Variants in TBC1D14 observed in about 807,000 individuals in gnomAD.
The protein encoded by TBC1D14 is TBC1 domain family, member 14.
In TBC1D14, 26 loss-of-function variants were observed where a neutral mutation model predicts 79.0. That is an observed-to-expected ratio of 0.33 (90% CI 0.24 to 0.46). TBC1D14 has a LOEUF of 0.46. TBC1D14 is among the 20% of genes least tolerant of loss of function. The probability of loss-of-function intolerance (pLI) is 1.00; values close to 1 mark genes in which losing one functional copy is unlikely to be tolerated. For missense variants in TBC1D14, 769 were observed against 887.6 expected, an observed-to-expected ratio of 0.87 and a Z score of 1.70; for synonymous variants, 394 against 349.9, an observed-to-expected ratio of 1.13 and a Z score of -1.40.
At chr4:6,962,462 C>T (rs922685627) in intron 2 of TBC1D14, among the ~76,000 whole-genome samples, 1 of 152,160 alleles carries the variant, frequency 6.6e-6, no homozygotes, top group Non-Finnish European at 1.5e-5. Context: ...TGTGTCTGCA[C>T]AGCAGCTGAG....
chr4:6,937,974 A>T (rs1180983354), intron 2 of TBC1D14, among the ~76,000 whole-genome samples: 1 of 152,066 alleles, frequency 6.6e-6, no homozygotes, highest in Non-Finnish European at 1.5e-5. Flanking sequence ...ATTGAGCCGC[A>T]TCTGGTGAGC....
chr4:7,025,385 A>G (rs1577193315), intron 13 of TBC1D14, 123 bp downstream of exon 13: 2 of 1,457,442 alleles, frequency 1.4e-6, no homozygotes, highest in East Asian at 4.8e-5. Context: ...CTGGGCTGGA[A>G]CTGAGGGGGG....
In TBC1D14 at chr4:7,006,666, T is replaced by C. The variant is rs779244097; in HGVS notation, c.1386T>C (p.Ser462=). The C allele has an allele frequency of 6.2e-7, 1 of 1,614,082 alleles. No individual in the cohort carries two copies. The highest frequency in any genetic ancestry group is 1.1e-5 in the South Asian group (1 of 91,038). The change falls in exon 9 of 14, where the codon AGT becomes AGC. Residue 462 remains serine, a synonymous_variant. Transcript: ENST00000409757. The stretch of plus-strand genomic sequence containing the variant: ...TTTCAGCAGCAGACAGAGAAGCCAG[T>C]CTGGAGCTTATTAAACTGGACATTT... The part of the protein sequence containing the change: ...AGFSAADREA[S]LELIKLDISR...
intron 2 of TBC1D14, among the ~76,000 whole-genome samples, chr4:6,944,506 C>T (rs1285078389): frequency 2.0e-5 from 3 of 152,202 alleles, no homozygotes; most frequent in Non-Finnish European, 4.4e-5. Context: ...TCAGCTCTGG[C>T]CTGTCCTCCC....
chr4:6,983,192 G>A (rs935871227), intron 3 of TBC1D14, among the ~76,000 whole-genome samples: 1 of 152,060 alleles, frequency 6.6e-6, no homozygotes, highest in African/African-American at 2.4e-5. Flanking sequence ...GGCTGGTCTT[G>A]AACTCCTGAC....
rs1722826246 is a variant in TBC1D14, at chr4:6,909,898, CTGGGCTGCGGGCCCACGGGTCCCGGGGA to C, written c.-67_-40del. The stretch of plus-strand genomic sequence containing the variant: ...GCGCGAGTTGCCGGTCCCGCGGGGC[CTGGGCTGCGGGCCCACGGGTCCCGGGGA>C]TGGCGTCGGAGCCGCGCTAACTCCG... On this transcript the variant is annotated 5_prime_UTR_variant, in exon 1 of 14. The change abolishes an upstream ATG in the 5' untranslated region. Transcript: ENST00000409757. 1 of 148,072 alleles carries C rather than the reference CTGGGCTGCGGGCCCACGGGTCCCGGGGA, an allele frequency of 6.8e-6. No individual in the cohort carries two copies. Among genetic ancestry groups the C allele is most frequent in the African/African-American group, 2.4e-5 (1 of 41,042 alleles). 9.2% of individuals were successfully genotyped at this position (148,072 alleles called of 1,614,324 possible). A position where few individuals can be genotyped will look rare whatever the true frequency, so the allele number is the denominator to read the frequency against.
Position 6,923,783 on chromosome 4 carries a change from A to G in TBC1D14, c.394A>G (p.Arg132Gly), listed in dbSNP as rs751829808. 6.2e-7 allele frequency: 1 copy of G among 1,614,122 alleles called. No homozygotes were observed. The highest frequency in any genetic ancestry group is 1.1e-5 in the South Asian group (1 of 91,086). Residue 132 changes from arginine (R) to glycine (G), a missense_variant, in exon 2 of 14, where the codon AGG becomes GGG. Physicochemically the swap from Arg to Gly is moderately radical, Grantham distance 125. Around this residue, in one of 2 missense-constraint regions of TBC1D14, gnomAD observed 402 missense variants for 393.2 expected, o/e 1.02. Transcript: ENST00000409757. ...CGTGCGCAAATCCTCCACGTTTCCC[A>G]GGACAGGCTATGACTCGGTAAAGCT... is the stretch of plus-strand genomic sequence containing the variant. ...QSVRKSSTFP[R>G]TGYDSVKLYS...
intron 13 of TBC1D14, among the ~76,000 whole-genome samples, chr4:7,029,350 T>G (rs1722804553): frequency 6.6e-6 from 1 of 152,242 alleles, no homozygotes; most frequent in Non-Finnish European, 1.5e-5. Context: ...GTTTCACCCT[T>G]GGACTTTGAG....
chr4:6,954,611 G>GT (rs869119891), intron 2 of TBC1D14, among the ~76,000 whole-genome samples: 53 of 103,312 alleles, frequency 5.1e-4, no homozygotes, highest in African/African-American at 1.8e-3. Flanking sequence ...TTTAAGGACT[G>GT]TTTTTTTGAG....
At chr4:7,000,643 G>A (rs961566428) in intron 6 of TBC1D14, among the ~76,000 whole-genome samples, 4 of 152,194 alleles carry the variant, frequency 2.6e-5, no homozygotes, top group Non-Finnish European at 5.9e-5. Flanking sequence ...GTTCTTCTCC[G>A]CAGTTAGAAC....
At chr4:6,966,578 G>T (rs893127920) in intron 2 of TBC1D14, among the ~76,000 whole-genome samples, 1 of 152,162 alleles carries the variant, frequency 6.6e-6, no homozygotes, top group Non-Finnish European at 1.5e-5. Context: ...ATTTTAATTT[G>T]TATAACAACC....
intron 2 of TBC1D14, among the ~76,000 whole-genome samples, chr4:6,945,686 T>C (rs958319789): frequency 1.5e-5 from 2 of 129,584 alleles, no homozygotes; most frequent in African/African-American, 5.9e-5. Flanking sequence ...GAGGCGGAGG[T>C]TGCGGTGAGC....
chr4:7,024,948 T>C (rs1435531613), intron 12 of TBC1D14, 56 bp from the exon 13 acceptor site: 1 of 1,596,812 alleles, frequency 6.3e-7, no homozygotes, highest in African/African-American at 1.3e-5. Flanking sequence ...AATTCACTGT[T>C]CTTTCTTTGT....
Position 6,934,774 on chromosome 4 carries a change from G to A in TBC1D14, c.722+10663G>A, listed in dbSNP as rs1712147696. Reference sequence around the variant, plus strand: ...TGGTGCAGGCAAAAGCGAAACTGGAGTAAATATTTAAGAGAGAATGGGGCC... The same window carrying A: ...TGGTGCAGGCAAAAGCGAAACTGGAATAAATATTTAAGAGAGAATGGGGCC... On this transcript the variant is annotated intron_variant, in intron 2 of 13. Coordinates refer to ENST00000409757, the MANE Select transcript of TBC1D14 (RefSeq NM_020773.3). Among the ~76,000 whole-genome samples, 4 of 152,310 alleles carry A rather than the reference G, an allele frequency of 2.6e-5. No individual in the cohort carries two copies. The South Asian group carries it at 8.3e-4, about 32-fold the overall frequency.
chr4:7,006,807 G>A, intron 9 of TBC1D14, 81 bp downstream of exon 9: 1 of 1,383,138 alleles, frequency 7.2e-7, no homozygotes. Context: ...TTGTTGTCAA[G>A]TTTGAAAGGT....
At chr4:6,934,280 G>T (rs1238055216) in intron 2 of TBC1D14, among the ~76,000 whole-genome samples, 1 of 152,040 alleles carries the variant, frequency 6.6e-6, no homozygotes, top group Admixed American at 6.6e-5. Flanking sequence ...GAGAAGGCAG[G>T]GCTGGTGAGC....
chr4:6,954,681 G>A (rs1425188080), intron 2 of TBC1D14, among the ~76,000 whole-genome samples: 2 of 152,170 alleles, frequency 1.3e-5, no homozygotes, highest in Non-Finnish European at 1.5e-5. Flanking sequence ...GCTCACTGCA[G>A]CCTCCGCCTC....
chr4:6,977,653 C>A (rs534474921), intron 3 of TBC1D14, among the ~76,000 whole-genome samples: 1 of 146,824 alleles, frequency 6.8e-6, no homozygotes, highest in African/African-American at 2.5e-5. Flanking sequence ...TCTGCCCGGC[C>A]GCCATCCCAT....
At chr4:6,962,318 G>C (rs1715297250) in intron 2 of TBC1D14, among the ~76,000 whole-genome samples, 2 of 152,134 alleles carry the variant, frequency 1.3e-5, no homozygotes, top group African/African-American at 4.8e-5. Flanking sequence ...ACCCCGCTGC[G>C]ACGGTGCGGG....
Sources: allele counts gnomAD v4.1 joint callset (sites outside exome capture counted in the v4.1 genomes callset), GRCh38; gene constraint gnomAD v4.1.1; regional missense constraint gnomAD v4.1.1; transcripts MANE v1.5; gene names NCBI Gene and HGNC (gene_info 2026-07-23, HGNC 2026-07-21).